Variants in GPR139 observed in about 807,000 individuals in gnomAD.
GPR139 encodes G protein-coupled receptor 139.
In GPR139, 12 loss-of-function variants were observed where a neutral mutation model predicts 25.8. The observed-to-expected ratio is 0.47, with a 90% CI of 0.30 to 0.75. The LOEUF (loss-of-function observed/expected upper bound fraction) is 0.75. Ranked by LOEUF, GPR139 falls within the 30% of genes least tolerant of loss-of-function variation. The pLI is 0.07. For synonymous variants in GPR139, 184 were observed against 179.9 expected, an observed-to-expected ratio of 1.02 and a Z score of -0.18; for missense variants, 380 against 450.2, an observed-to-expected ratio of 0.84 and a Z score of 1.41.
Position 20,073,825 on chromosome 16 carries a change from G to T in GPR139, c.-209C>A. 5.0e-6 allele frequency: 3 copies of T among 598,516 alleles called. No individual in the cohort carries two copies. The highest frequency in any genetic ancestry group is 7.9e-6 in the Non-Finnish European group (3 of 379,622). 37.1% of individuals were successfully genotyped at this position (598,516 alleles called of 1,614,324 possible). A position where few individuals can be genotyped will look rare whatever the true frequency, so the allele number is the denominator to read the frequency against. On this transcript the variant is annotated 5_prime_UTR_variant, in exon 1 of 2. Coordinates refer to ENST00000570682, the MANE Select transcript of GPR139 (RefSeq NM_001002911.4). The surrounding 1 kb of genome is among the most constrained non-coding windows in gnomAD (Gnocchi z 4.7). ...AGTCTTGGCTCAGCCCTCCCGCAGG[G>T]CGCGGGGCGCAGGGTGCGGGGCGCG...
intron 1 of GPR139, among the ~76,000 whole-genome samples, chr16:20,057,507 ACCATCCAT>A (rs892849542): frequency 1.3e-5 from 2 of 151,572 alleles, no homozygotes; most frequent in Non-Finnish European, 2.9e-5. Flanking sequence ...ATCCATCTAT[ACCATCCAT>A]CCATCCATCC....
intron 1 of GPR139, among the ~76,000 whole-genome samples, chr16:20,033,228 G>A (rs1338151501): frequency 4.6e-5 from 6 of 130,698 alleles, no homozygotes; most frequent in Non-Finnish European, 8.1e-5. Flanking sequence ...TCACACAACC[G>A]TGAGAGGTGG....
At chr16:20,054,249 A>G (rs1258807588) in intron 1 of GPR139, among the ~76,000 whole-genome samples, 1 of 152,204 alleles carries the variant, frequency 6.6e-6, no homozygotes, top group African/African-American at 2.4e-5. Flanking sequence ...TGAAAAACTC[A>G]GTATGTGTTC....
chr16:20,039,143 G>C (rs542936720), intron 1 of GPR139, among the ~76,000 whole-genome samples: 34 of 152,320 alleles, frequency 2.2e-4, no homozygotes, highest in African/African-American at 8.2e-4. Context: ...TGACTGCAAA[G>C]CTTCTTGGTT....
chr16:20,073,393 G>A lies in GPR139; in HGVS notation c.127+97C>T. ...TAAAGCTTAAACTTTTTCCGAGGGG[G>A]CGCCAGGGAACGCACGGGGGAGGAC... On this transcript the variant is annotated intron_variant, in intron 1 of 1. Coordinates refer to ENST00000570682, the MANE Select transcript of GPR139 (RefSeq NM_001002911.4). This position sits in a 1 kb window ranked among gnomAD's most constrained non-coding sequence, Gnocchi z 4.7. 1 of 1,520,882 alleles carries A rather than the reference G, an allele frequency of 6.6e-7. No individual in the cohort carries two copies. The highest frequency in any genetic ancestry group is 2.0e-5 in the Admixed American group (1 of 48,938). The allele number at this position is 1,520,882 out of a possible 1,614,324, so 94.2% of individuals were successfully genotyped here.
rs1204050990 is a variant in GPR139 at position 20,030,211 on chromosome 16, C to A, written c.*1524G>T. Reference sequence around the variant, plus strand: ...CCTTAAAAAAGATAGACATGTCTTCCAACTTAGGGACAAAATGCAGTAAAA... The same window carrying A: ...CCTTAAAAAAGATAGACATGTCTTCAAACTTAGGGACAAAATGCAGTAAAA... On this transcript the variant is annotated 3_prime_UTR_variant, in exon 2 of 2. Transcript: ENST00000570682. 6.6e-6 allele frequency among the ~76,000 whole-genome samples: 1 copy of A among 152,122 alleles called. No homozygotes were observed. Among genetic ancestry groups the A allele is most frequent in the Non-Finnish European group, 1.5e-5 (1 of 68,030 alleles).
At chr16:20,068,873 A>G (rs2057447508) in intron 1 of GPR139, among the ~76,000 whole-genome samples, 1 of 149,486 alleles carries the variant, frequency 6.7e-6, no homozygotes, top group African/African-American at 2.5e-5. Flanking sequence ...GATGGATCAC[A>G]TGCCTTAAAA....
chr16:20,058,858 T>G (rs1471935937), intron 1 of GPR139, among the ~76,000 whole-genome samples: 2 of 152,184 alleles, frequency 1.3e-5, no homozygotes, highest in African/African-American at 4.8e-5. Flanking sequence ...GCTAGGTCAT[T>G]AGCAGGATTC....
intron 1 of GPR139, among the ~76,000 whole-genome samples, chr16:20,036,477 A>G (rs1168094105): frequency 6.6e-6 from 1 of 152,188 alleles, no homozygotes; most frequent in Non-Finnish European, 1.5e-5. Flanking sequence ...GGTTTAATTG[A>G]CTCACAGTTC....
intron 1 of GPR139, among the ~76,000 whole-genome samples, chr16:20,039,336 C>T (rs889203): frequency 0.57 from 86,061 of 151,976 alleles, 25,675 homozygotes; most frequent in Non-Finnish European, 0.67. Context: ...TCTGTGATGA[C>T]TAAGGGGTCT....
intron 1 of GPR139, among the ~76,000 whole-genome samples, chr16:20,057,037 G>A (rs2057391084): frequency 6.6e-6 from 1 of 152,190 alleles, no homozygotes; most frequent in Non-Finnish European, 1.5e-5. Flanking sequence ...GGAAGACACA[G>A]TTCCTTGAAA....
chr16:20,048,532 C>G (rs1203654946), intron 1 of GPR139, among the ~76,000 whole-genome samples: 2 of 152,198 alleles, frequency 1.3e-5, no homozygotes, highest in East Asian at 3.8e-4. Flanking sequence ...GATGACAGGG[C>G]CTGGGCAGGA....
chr16:20,041,621 A>G (rs2057336720), intron 1 of GPR139, among the ~76,000 whole-genome samples: 1 of 152,146 alleles, frequency 6.6e-6, no homozygotes, highest in Admixed American at 6.5e-5. Context: ...TAGCTTCTGC[A>G]GAAGGTGCTG....
intron 1 of GPR139, among the ~76,000 whole-genome samples, chr16:20,042,380 A>G (rs2141205003): frequency 6.6e-6 from 1 of 152,298 alleles, no homozygotes; most frequent in East Asian, 1.9e-4. Flanking sequence ...AAGGAATCCC[A>G]GCAAAGATTC....
chr16:20,031,844 T>C lies in GPR139; in HGVS notation c.953A>G (p.Asn318Ser), dbSNP rs760333722. 1 of 1,614,182 alleles carries C rather than the reference T, an allele frequency of 6.2e-7. No homozygotes were observed. Among genetic ancestry groups the C allele is most frequent in the East Asian group, 2.2e-5 (1 of 44,882 alleles). The change falls in exon 2 of 2, where the codon AAC becomes AGC. Residue 318 changes from asparagine to serine, a missense_variant. Coordinates refer to ENST00000570682, the MANE Select transcript of GPR139 (RefSeq NM_001002911.4). ...CCAGGGGCTACTTGTTATGGAAAAGTTATGATTGGTGTAGAACTGTACAGG... is the reference window on the plus strand; with the variant it reads ...CCAGGGGCTACTTGTTATGGAAAAGCTATGATTGGTGTAGAACTGTACAGG... The part of the protein sequence containing the change: ...KQPVQFYTNH[N>S]FSITSSPWIS...
chr16:20,032,733 G>A, intron 1 of GPR139, 64 bp from the exon 2 acceptor site: 31 of 1,182,796 alleles, frequency 2.6e-5, no homozygotes, highest in Non-Finnish European at 3.3e-5. Flanking sequence ...CTCCTATGGG[G>A]GCCCTAGGCA....
At chr16:20,065,877 CAAAAA>C (rs11307746) in intron 1 of GPR139, among the ~76,000 whole-genome samples, 1 of 118,812 alleles carries the variant, frequency 8.4e-6, no homozygotes, top group African/African-American at 2.9e-5. Flanking sequence ...GAGACTATCT[CAAAAA>C]AAAAAAAAAA....
intron 1 of GPR139, among the ~76,000 whole-genome samples, chr16:20,045,799 C>T (rs542614523): frequency 9.2e-5 from 14 of 152,322 alleles, no homozygotes; most frequent in African/African-American, 3.4e-4. Context: ...ATGCTCCCCA[C>T]TGGCTGATTC....
chr16:20,050,708 G>T (rs568417767), intron 1 of GPR139, among the ~76,000 whole-genome samples: 1 of 152,194 alleles, frequency 6.6e-6, no homozygotes, highest in African/African-American at 2.4e-5. Context: ...AGTTGGATCT[G>T]TTGGGAGGCA....
Sources: gnomAD v4.1 joint callset for allele counts (sites outside exome capture counted in the v4.1 genomes callset) on GRCh38, gnomAD v4.1.1 for gene constraint, Gnocchi (gnomAD v3.1) non-coding constraint, MANE v1.5 for transcripts, NCBI Gene and HGNC (gene_info 2026-07-23, HGNC 2026-07-21) for gene names.